Variants in MIGA1 observed in about 807,000 individuals in gnomAD.
The protein encoded by MIGA1 is mitoguardin 1, also known as family with sequence similarity 73, member A.
In MIGA1, 58 loss-of-function variants were observed where a neutral mutation model predicts 82.0. That is an observed-to-expected ratio of 0.71 (90% CI 0.57 to 0.88). MIGA1 has a LOEUF of 0.88. MIGA1 is among the 40% of genes least tolerant of loss of function. The pLI is 0.00. For synonymous variants in MIGA1, 249 were observed against 253.6 expected, an observed-to-expected ratio of 0.98 and a Z score of 0.17; for missense variants, 751 against 749.1, an observed-to-expected ratio of 1.00 and a Z score of -0.03.
At chr1:77,805,785 G>GT (rs2101766461) in intron 4 of MIGA1, among the ~76,000 whole-genome samples, 1 of 152,236 alleles carries the variant, frequency 6.6e-6, no homozygotes, top group African/African-American at 2.4e-5. Flanking sequence ...GGCCTCCAAA[G>GT]TGCTGGGATT....
chr1:77,783,257 C>G lies in MIGA1; in HGVS notation c.101C>G (p.Ser34Ter). The G allele has an allele frequency of 1.9e-6, 3 of 1,590,352 alleles. No homozygotes were observed. In the South Asian group the frequency reaches 3.4e-5, roughly 18 times the overall value. Residue 34 changes from serine (S) to a stop codon, truncating the protein, a stop_gained, in exon 2 of 16, where the codon TCA (serine) becomes TGA (stop). Transcript: ENST00000370791. LOFTEE classifies it high-confidence loss of function. ...ATGAAGATTAGAAGAGGAGCCATGT[C>G]AGAAGAAACAGTAAGTGAATCACAG...
chr1:77,827,615 A>T (rs369032679), intron 7 of MIGA1, among the ~76,000 whole-genome samples: 62 of 152,306 alleles, frequency 4.1e-4, no homozygotes, highest in African/African-American at 1.4e-3. Flanking sequence ...GCTCAGAAGG[A>T]GTGAGATCCA....
intron 2 of MIGA1, among the ~76,000 whole-genome samples, chr1:77,787,445 G>A (rs1682214142): frequency 6.6e-6 from 1 of 151,232 alleles, no homozygotes; most frequent in African/African-American, 2.4e-5. Flanking sequence ...GAATGCAGTG[G>A]TGCAATCTCA....
intron 11 of MIGA1, chr1:77,860,361 T>C: frequency 2.2e-6 from 1 of 450,424 alleles, no homozygotes; most frequent in Non-Finnish European, 3.9e-6. Context: ...ATGGTGAGAA[T>C]TATCATTAGA....
intron 7 of MIGA1, among the ~76,000 whole-genome samples, chr1:77,824,948 T>TA (rs1223823148): frequency 6.6e-6 from 1 of 151,236 alleles, no homozygotes; most frequent in Non-Finnish European, 1.5e-5. Flanking sequence ...AAGAGTTTAA[T>TA]ACAGGCTTAA....
chr1:77,805,467 T>TC (rs1436863509), intron 4 of MIGA1, among the ~76,000 whole-genome samples: 1 of 150,336 alleles, frequency 6.7e-6, no homozygotes, highest in Non-Finnish European at 1.5e-5. Context: ...TATTCTTTTT[T>TC]TTTTTTTTTT....
At position 77,803,380 on chromosome 1, in the gene MIGA1, T is replaced by C. The variant is rs777918704; in HGVS notation, c.484T>C (p.Ser162Pro). 1 of 1,563,364 alleles carries C rather than the reference T, an allele frequency of 6.4e-7. No homozygotes were observed. Among genetic ancestry groups the C allele is most frequent in the Non-Finnish European group, 8.7e-7 (1 of 1,154,012 alleles). Residue 162 changes from serine to proline, a missense_variant, in exon 4 of 16, where the codon TCA becomes CCA. Physicochemically the swap from Ser to Pro is moderately conservative, Grantham distance 74. This residue lies in a region of MIGA1 where 482 missense variants were observed against 439.4 expected (regional missense o/e 1.10). Transcript: ENST00000370791. ...TAATGGAGGACTTTTCAGTAAATAT[T>C]CAGGTTCTGCACAGAGTTTGGCCTC...
intron 14 of MIGA1, among the ~76,000 whole-genome samples, chr1:77,869,996 A>G (rs61778862): frequency 7.9e-5 from 8 of 100,906 alleles, no homozygotes; most frequent in South Asian, 8.1e-4. Flanking sequence ...GGATGGGGCG[A>G]CTGGCCGGGC....
rs907355018 is a variant in MIGA1 at position 77,848,105 on chromosome 1, A to G, written c.996+4698A>G. The G allele has an allele frequency of 2.4e-4, 310 of 1,316,492 alleles. 1 individual carries two copies. Among genetic ancestry groups the G allele is most frequent in the Admixed American group, 1.6e-4 (9 of 58,056 alleles). The allele number at this position is 1,316,492 out of a possible 1,614,324, so 81.6% of individuals were successfully genotyped here. A position where few individuals can be genotyped will look rare whatever the true frequency, so the allele number is the denominator to read the frequency against. On this transcript the variant is annotated intron_variant, in intron 8 of 15. Coordinates refer to ENST00000370791, the MANE Select transcript of MIGA1 (RefSeq NM_198549.4). Reference sequence around the variant, plus strand: ...GGGAAGATCAGCACCAACAGAAGCAATCCAGAGACGAGGAGAACCATTACA... The same window carrying G: ...GGGAAGATCAGCACCAACAGAAGCAGTCCAGAGACGAGGAGAACCATTACA...
At chr1:77,850,121 G>GT (rs1684992666) in intron 8 of MIGA1, among the ~76,000 whole-genome samples, 1 of 152,028 alleles carries the variant, frequency 6.6e-6, no homozygotes, top group Admixed American at 6.6e-5. Context: ...TGGAAAGTTG[G>GT]TGCTATCCAT....
intron 8 of MIGA1, among the ~76,000 whole-genome samples, chr1:77,844,111 A>AT (rs1333128709): frequency 1.6e-3 from 88 of 53,700 alleles, no homozygotes; most frequent in Middle Eastern, 7.7e-3. Context: ...AAAAAAAAAA[A>AT]AAATATATAT....
intron 2 of MIGA1, among the ~76,000 whole-genome samples, chr1:77,794,031 T>C (rs186629560): frequency 0.012 from 1,868 of 152,048 alleles, 42 homozygotes; most frequent in South Asian, 0.1. Flanking sequence ...TCAAGTGATC[T>C]GCCCGCCTCA....
Position 77,807,059 on chromosome 1 carries a change from G to C in MIGA1, c.595G>C (p.Val199Leu). The change falls in exon 5 of 16, where the codon GTT (valine) becomes CTT (leucine). Residue 199 changes from valine (V) to leucine (L), a missense_variant. By Grantham distance (32) the Val-to-Leu change is conservative (BLOSUM62 1). Around this residue, in one of 3 missense-constraint regions of MIGA1, gnomAD observed 482 missense variants for 439.4 expected, o/e 1.10. Transcript: ENST00000370791. ...AGCAGATGAAGATGATATTAAACTT[G>C]TTAATATTCCTGTGACTACTCCAGA... 1 of 1,592,304 alleles carries C rather than the reference G, an allele frequency of 6.3e-7. No homozygotes were observed. The highest frequency in any genetic ancestry group is 8.6e-7 in the Non-Finnish European group (1 of 1,160,604).
At chr1:77,807,652 G>A (rs1683154966) in intron 5 of MIGA1, among the ~76,000 whole-genome samples, 1 of 152,132 alleles carries the variant, frequency 6.6e-6, no homozygotes, top group Non-Finnish European at 1.5e-5. Context: ...AAATCAATAT[G>A]TCAGTAGAGC....
intron 10 of MIGA1, 196 bp downstream of exon 10, chr1:77,859,582 C>T (rs749402269): frequency 3.8e-6 from 2 of 523,654 alleles, no homozygotes; most frequent in Non-Finnish European, 6.8e-6. Context: ...TATCCTCTCC[C>T]ATGGCTTCCC....
chr1:77,790,510 C>T (rs2101707317), intron 2 of MIGA1, among the ~76,000 whole-genome samples: 1 of 152,224 alleles, frequency 6.6e-6, no homozygotes, highest in African/African-American at 2.4e-5. Context: ...TCGTGATCTG[C>T]CCGCCTCGGC....
At chr1:77,841,561 G>A (rs1393162868) in intron 7 of MIGA1, among the ~76,000 whole-genome samples, 2 of 150,204 alleles carry the variant, frequency 1.3e-5, no homozygotes, top group Non-Finnish European at 3.0e-5. Context: ...CCAGATTGAT[G>A]CTTTGAATAA....
chr1:77,866,000 C>T (rs559047760), intron 13 of MIGA1, among the ~76,000 whole-genome samples: 1 of 152,206 alleles, frequency 6.6e-6, no homozygotes, highest in East Asian at 1.9e-4. Flanking sequence ...ATAACCTCCG[C>T]CTCCCGGGTT....
chr1:77,805,224 C>T (rs530911731), intron 4 of MIGA1, among the ~76,000 whole-genome samples: 3 of 151,190 alleles, frequency 2.0e-5, no homozygotes, highest in South Asian at 4.2e-4. Context: ...CTTGATCTCC[C>T]GACCTCGTGA....
Sources: allele counts gnomAD v4.1 joint callset (sites outside exome capture counted in the v4.1 genomes callset), GRCh38; gene constraint gnomAD v4.1.1; regional missense constraint gnomAD v4.1.1; transcripts MANE v1.5; gene names NCBI Gene and HGNC (gene_info 2026-07-23, HGNC 2026-07-21).